Variants in GLE1 observed in about 807,000 individuals in gnomAD.
The protein encoded by GLE1 is GLE1 RNA export mediator, also known as mRNA export factor GLE1.
A neutral mutation model predicts 97.3 loss-of-function variants in GLE1; 78 were observed. The ratio of observed to expected loss-of-function variants is 0.80; its 90% CI spans 0.67 to 0.97. GLE1 has a LOEUF of 0.97. Ranked by LOEUF, GLE1 falls within the 50% of genes least tolerant of loss-of-function variation. The pLI, the probability that GLE1 is intolerant of heterozygous loss-of-function variation, is 0.00. For synonymous variants in GLE1, 302 were observed against 313.4 expected (o/e 0.96, Z 0.39); for missense variants, 753 against 857.5 (o/e 0.88, Z 1.52).
intron 9 of GLE1, among the ~76,000 whole-genome samples, chr9:128,532,263 C>T (rs1272264832): frequency 3.7e-5 from 5 of 136,328 alleles, no homozygotes; most frequent in Non-Finnish European, 7.7e-5. Flanking sequence ...CTTGCTTTGT[C>T]ACCCAGGCTG....
In GLE1 at chr9:128,539,681, A is replaced by C. The variant is rs571855264; in HGVS notation, c.1947A>C (p.Lys649Asn). Reference sequence around the variant, plus strand: ...TCTGGAAGATGCTAATTCTCATCAAAGAGGACTACTTTCCCAGGTATCAGG... The same window carrying C: ...TCTGGAAGATGCTAATTCTCATCAACGAGGACTACTTTCCCAGGTATCAGG... ...VQFWKMLILI[K>N]EDYFPRIEAI... is the part of the protein sequence containing the mutation. Residue 649 changes from lysine to asparagine, a missense_variant, in exon 14 of 16, where the codon AAA (lysine) becomes AAC (asparagine). Coordinates refer to ENST00000309971, the MANE Select transcript of GLE1 (RefSeq NM_001003722.2). 3.1e-6 allele frequency: 5 copies of C among 1,612,676 alleles called. No homozygotes were observed. In the Admixed American group the frequency reaches 5.0e-5, roughly 16 times the overall value.
At chr9:128,520,264 A>G (rs928905532) in intron 3 of GLE1, among the ~76,000 whole-genome samples, 6 of 150,538 alleles carry the variant, frequency 4.0e-5, no homozygotes, top group East Asian at 1.9e-4. Context: ...AAATATATAT[A>G]TATATGTATA....
intron 2 of GLE1, among the ~76,000 whole-genome samples, chr9:128,510,641 G>A (rs1039279424): frequency 6.7e-6 from 1 of 149,460 alleles, no homozygotes; most frequent in Non-Finnish European, 1.5e-5. Flanking sequence ...CGGTTCTTCT[G>A]CCTCAGCCTC....
Position 128,541,856 on chromosome 9 carries a change from T to C in GLE1, c.*686T>C, listed in dbSNP as rs943175543. On this transcript the variant is annotated 3_prime_UTR_variant, in exon 16 of 16. Transcript: ENST00000309971. ...AATTTGGTCCCTGGATGGCTAGGGA[T>C]CCATGAACCAGGCAGGTACCTTTTT... 3 of 152,286 alleles carry C rather than the reference T, an allele frequency of 2.0e-5. No individual in the cohort carries two copies. The highest frequency in any genetic ancestry group is 7.2e-5 in the African/African-American group (3 of 41,464). 9.4% of individuals were successfully genotyped at this position (152,286 alleles called of 1,614,324 possible).
intron 14 of GLE1, 165 bp downstream of exon 14, chr9:128,539,863 G>A (rs954522157): frequency 3.5e-5 from 53 of 1,517,478 alleles, no homozygotes; most frequent in Non-Finnish European, 4.3e-5. Flanking sequence ...TTGAATAAAT[G>A]CTTTTGAACC....
chr9:128,538,326 A>G (rs1324965633), intron 13 of GLE1, among the ~76,000 whole-genome samples: 1 of 152,174 alleles, frequency 6.6e-6, no homozygotes, highest in Non-Finnish European at 1.5e-5. Flanking sequence ...AAAATTGTAC[A>G]TTCTAGCAAA....
intron 9 of GLE1, among the ~76,000 whole-genome samples, 199 bp from the exon 10 acceptor site, chr9:128,533,314 C>A (rs540701017): frequency 6.6e-6 from 1 of 151,186 alleles, no homozygotes; most frequent in East Asian, 1.9e-4. Context: ...GTCTGTGATC[C>A]CAGCTACTCA....
At chr9:128,535,057 A>G (rs1847655663) in intron 11 of GLE1, among the ~76,000 whole-genome samples, 1 of 151,984 alleles carries the variant, frequency 6.6e-6, no homozygotes, top group African/African-American at 2.4e-5. Context: ...GTAATAATAT[A>G]TTGTTATTTT....
chr9:128,514,794 C>T (rs1414130436), intron 2 of GLE1, among the ~76,000 whole-genome samples: 1 of 152,046 alleles, frequency 6.6e-6, no homozygotes, highest in African/African-American at 2.4e-5. Flanking sequence ...CCACCACAGC[C>T]TCCCAAAGTG....
At chr9:128,523,059 G>T (rs1350295925) in intron 4 of GLE1, among the ~76,000 whole-genome samples, 2 of 152,120 alleles carry the variant, frequency 1.3e-5, no homozygotes, top group East Asian at 3.9e-4. Context: ...CACAGCTGTA[G>T]TCTCAATTAC....
chr9:128,509,302 G>A (rs373748901), intron 2 of GLE1, among the ~76,000 whole-genome samples: 3 of 151,830 alleles, frequency 2.0e-5, no homozygotes, highest in Non-Finnish European at 1.5e-5. Context: ...TCTTAGTACC[G>A]AGAATAGTAT....
chr9:128,540,895 AATAAG>A, intron 15 of GLE1: 1 of 588,614 alleles, frequency 1.7e-6, no homozygotes. Context: ...GGACAGGAAT[AATAAG>A]AGCATTTCAT....
At chr9:128,539,853 T>C (rs1847835393) in intron 14 of GLE1, 155 bp downstream of exon 14, 1 of 1,527,850 alleles carries the variant, frequency 6.5e-7, no homozygotes, top group Non-Finnish European at 8.8e-7. Flanking sequence ...TCGTTGATAT[T>C]TGAATAAATG....
intron 13 of GLE1, among the ~76,000 whole-genome samples, chr9:128,538,386 G>C (rs1847786246): frequency 6.6e-6 from 1 of 152,200 alleles, no homozygotes; most frequent in African/African-American, 2.4e-5. Context: ...TCCCAGGCCG[G>C]GTGCGGTGGA....
chr9:128,514,086 G>A lies in GLE1; in HGVS notation c.322-1443G>A, dbSNP rs557216052. ...GGCATAGTGGCTCATGCCTGTAATT[G>A]TAGCACTTTGGGAGCCTGAGGTAGG... On this transcript the variant is annotated intron_variant, in intron 2 of 15. Transcript: ENST00000309971. 5.3e-5 allele frequency among the ~76,000 whole-genome samples: 8 copies of A among 151,276 alleles called. No homozygotes were observed. The East Asian group carries it at 1.4e-3, about 26-fold the overall frequency.
intron 4 of GLE1, 115 bp downstream of exon 4, chr9:128,522,931 T>TA: frequency 1.7e-6 from 2 of 1,211,094 alleles, no homozygotes; most frequent in Non-Finnish European, 2.4e-6. Context: ...AATATCAAGG[T>TA]AAAATAGGCA....
Position 128,527,242 on chromosome 9 carries a change from T to C in GLE1, c.1193T>C (p.Met398Thr), listed in dbSNP as rs1847327149. Residue 398 changes from methionine to threonine, a missense_variant, in exon 8 of 16, where the codon ATG becomes ACG. By Grantham distance (81) the Met-to-Thr change is moderately conservative. Transcript: ENST00000309971. ...QWYQQLQDAS[M>T]QCVLTFEGLT... ...TACCAGCAGCTGCAGGATGCTTCCA[T>C]GCAGTGTGTGTTGACCTTTGAGGGC... 1.2e-6 allele frequency: 2 copies of C among 1,612,332 alleles called. No individual in the cohort carries two copies. The highest frequency in any genetic ancestry group is 8.5e-7 in the Non-Finnish European group (1 of 1,178,334).
rs1358604270 is a variant in GLE1 at position 128,525,182 on chromosome 9, ACT to A, written c.898-7_898-6del. On this transcript the variant is annotated splice_region_variant and splice_polypyrimidine_tract_variant and intron_variant, in intron 6 of 15. Coordinates refer to ENST00000309971, the MANE Select transcript of GLE1 (RefSeq NM_001003722.2). Reference sequence around the variant, plus strand: ...ATGACCACTAAGCACCATCTCCGTCACTCTGACAGAGCAGCTATCCCACAGCA... The same window carrying A: ...ATGACCACTAAGCACCATCTCCGTCACTGACAGAGCAGCTATCCCACAGCA... 1 of 1,606,690 alleles carries A rather than the reference ACT, an allele frequency of 6.2e-7. No individual in the cohort carries two copies. The highest frequency in any genetic ancestry group is 8.5e-7 in the Non-Finnish European group (1 of 1,173,432).
At chr9:128,523,521 GA>G (rs1402332724) in intron 5 of GLE1, 70 bp from the exon 6 acceptor site, 1 of 1,582,562 alleles carries the variant, frequency 6.3e-7, no homozygotes, top group Non-Finnish European at 8.7e-7. Context: ...AGCCCACGTA[GA>G]ATTTGAGGAC....
Sources: allele counts gnomAD v4.1 joint callset (sites outside exome capture counted in the v4.1 genomes callset), GRCh38; gene constraint gnomAD v4.1.1; transcripts MANE v1.5; gene names NCBI Gene and HGNC (gene_info 2026-07-23, HGNC 2026-07-21).